The following CD33 variants were observed in gnomAD, a reference collection of about 807,000 sequenced individuals.
CD33 encodes CD33 molecule.
Under a neutral mutation model 31.4 loss-of-function variants are expected in CD33, and 25 were observed. The ratio of observed to expected loss-of-function variants is 0.80; its 90% CI spans 0.58 to 1.11. The LOEUF (loss-of-function observed/expected upper bound fraction) is 1.11, where lower values mean the gene tolerates loss of function less well. CD33 is among the 50% of genes most tolerant of loss of function. CD33 has a pLI of 0.00. For missense variants in CD33, 407 were observed against 448.1 expected, an observed-to-expected ratio of 0.91 and a Z score of 0.83; for synonymous variants, 176 against 180.6, an observed-to-expected ratio of 0.97 and a Z score of 0.20.
the CD33 span, among the ~76,000 whole-genome samples, chr19:51,216,470 G>T: frequency 1.3e-5 from 2 of 152,090 alleles, no homozygotes; most frequent in African/African-American, 2.4e-5. Context: ...AGCACTTTGG[G>T]AGGCTGAGGT....
chr19:51,226,129 C>G (rs1434040451), intron 3 of CD33, 48 bp downstream of exon 3: 5 of 1,597,192 alleles, frequency 3.1e-6, no homozygotes, highest in Non-Finnish European at 4.3e-6. Context: ...GTAGGGGAGA[C>G]AGGATGGGCT....
At chr19:51,233,162 A>T (rs1981539390) in intron 4 of CD33, among the ~76,000 whole-genome samples, 1 of 152,146 alleles carries the variant, frequency 6.6e-6, no homozygotes, top group Non-Finnish European at 1.5e-5. Context: ...ATGTCCACAG[A>T]AGGCGTCTGG....
intron 4 of CD33, among the ~76,000 whole-genome samples, chr19:51,230,158 G>C (rs773185907): frequency 9.4e-6 from 1 of 106,590 alleles, no homozygotes; most frequent in Non-Finnish European, 1.9e-5. Context: ...TTTCATTTCT[G>C]TGTATTTGTA....
intron 4 of CD33, among the ~76,000 whole-genome samples, chr19:51,233,898 C>T (rs145819338): frequency 2.0e-5 from 3 of 152,186 alleles, no homozygotes; most frequent in African/African-American, 7.2e-5. Flanking sequence ...TCCCTTGCTG[C>T]ACTACACTAC....
rs557466524 is a variant in CD33, at chr19:51,233,816, G to A, written c.746-1341G>A. 3.3e-5 allele frequency among the ~76,000 whole-genome samples: 5 copies of A among 152,338 alleles called. No homozygotes were observed. In the South Asian group the frequency reaches 1.0e-3, roughly 32 times the overall value. Reference sequence around the variant, plus strand: ...GGGACAAACCAATCTGGGCTGGGGAGATGGAGCTGCAAAGCCCGGGTGCCT... The same window carrying A: ...GGGACAAACCAATCTGGGCTGGGGAAATGGAGCTGCAAAGCCCGGGTGCCT... On this transcript the variant is annotated intron_variant, in intron 4 of 6. Coordinates refer to ENST00000262262, the MANE Select transcript of CD33 (RefSeq NM_001772.4).
At chr19:51,220,767 G>T (rs1980651622), upstream of CD33, among the ~76,000 whole-genome samples, 2 of 152,126 alleles carry the variant, frequency 1.3e-5, no homozygotes, top group African/African-American at 2.4e-5. Context: ...GCCCCCATCT[G>T]CCCTCCAGAC....
At chr19:51,225,624 C>T (rs1312951127) in intron 2 of CD33, 26 bp downstream of exon 2, 18 of 1,538,026 alleles carry the variant, frequency 1.2e-5, no homozygotes, top group African/African-American at 2.8e-5. Flanking sequence ...CAGAAGTGGC[C>T]GCAAGGGAAG....
intron 4 of CD33, among the ~76,000 whole-genome samples, chr19:51,228,231 C>T (rs1192765048): frequency 1.3e-5 from 2 of 152,032 alleles, no homozygotes; most frequent in Non-Finnish European, 2.9e-5. Flanking sequence ...CTTGGGATTG[C>T]TTTGACCATT....
the CD33 span, among the ~76,000 whole-genome samples, chr19:51,218,952 T>C: frequency 6.6e-6 from 1 of 152,220 alleles, no homozygotes; most frequent in South Asian, 2.1e-4. Flanking sequence ...TGAAGTCAGG[T>C]AATGTGATGT....
chr19:51,219,735 G>A, the CD33 span, among the ~76,000 whole-genome samples: 1 of 152,300 alleles, frequency 6.6e-6, no homozygotes, highest in South Asian at 2.1e-4. Flanking sequence ...TTACCATGAA[G>A]AGATGTTGGA....
At chr19:51,222,966 G>A (rs776586435), upstream of CD33, among the ~76,000 whole-genome samples, 4 of 152,130 alleles carry the variant, frequency 2.6e-5, no homozygotes, top group South Asian at 2.1e-4. Flanking sequence ...CATAGTCAAA[G>A]CACTTTGGAG....
chr19:51,232,169 T>G (rs1981474745), intron 4 of CD33, among the ~76,000 whole-genome samples: 1 of 152,242 alleles, frequency 6.6e-6, no homozygotes, highest in Non-Finnish European at 1.5e-5. Flanking sequence ...AAGATAGCTT[T>G]TCTGGGTATA....
chr19:51,211,380 C>G, the CD33 span: 12 of 1,558,698 alleles, frequency 7.7e-6, no homozygotes, highest in East Asian at 2.2e-4. Context: ...TATCCAGGGA[C>G]TCTCCAGTGG....
chr19:51,214,174 C>CTT, the CD33 span, among the ~76,000 whole-genome samples: 1 of 120,530 alleles, frequency 8.3e-6, no homozygotes, highest in African/African-American at 3.0e-5. Flanking sequence ...TTTTCTTTTC[C>CTT]TTTTTTTTTT....
At chr19:51,225,639 T>C in intron 2 of CD33, 41 bp downstream of exon 2, 2 of 1,538,974 alleles carry the variant, frequency 1.3e-6, no homozygotes, top group Non-Finnish European at 1.7e-6. Flanking sequence ...GGGAAGTTCA[T>C]GGGTACTGCA....
rs1280883817 is a variant in CD33 at position 51,239,570 on chromosome 19, C to T, written c.977C>T (p.Ser326Leu). The change falls in exon 7 of 7, where the codon TCA becomes TTA. Residue 326 changes from serine to leucine, a missense_variant. Coordinates refer to ENST00000262262, the MANE Select transcript of CD33 (RefSeq NM_001772.4). ...GGCCCCACTGAAACCTCAAGCTGTT[C>T]AGGTGCCGCCCCTACTGTGGAGATG... The part of the protein sequence containing the change: ...LHGPTETSSC[S>L]GAAPTVEMDE... 3.1e-6 allele frequency: 5 copies of T among 1,613,218 alleles called. No individual in the cohort carries two copies. Among genetic ancestry groups the T allele is most frequent in the East Asian group, 2.2e-5 (1 of 44,838 alleles).
intron 2 of CD33, 34 bp downstream of exon 2, chr19:51,225,632 A>G (rs1339602596): frequency 2.6e-6 from 4 of 1,538,256 alleles, no homozygotes; most frequent in Non-Finnish European, 3.5e-6. Context: ...GCCGCAAGGG[A>G]AGTTCATGGG....
chr19:51,211,143 C>A, the CD33 span: 5 of 1,601,344 alleles, frequency 3.1e-6, no homozygotes, highest in East Asian at 8.9e-5. Context: ...CTGCTGTGGG[C>A]AGGTGAATGG....
upstream of CD33, among the ~76,000 whole-genome samples, chr19:51,221,917 T>G (rs1199458305): frequency 6.6e-6 from 1 of 152,190 alleles, no homozygotes; most frequent in Non-Finnish European, 1.5e-5. Context: ...GGAGGCAACA[T>G]TTTGTATGAT....
Sources: gnomAD v4.1 joint callset for allele counts (sites outside exome capture counted in the v4.1 genomes callset) on GRCh38, gnomAD v4.1.1 for gene constraint, MANE v1.5 for transcripts, NCBI Gene and HGNC (gene_info 2026-07-23, HGNC 2026-07-21) for gene names.